CNTN5: variants seen among roughly 807,000 people sequenced by gnomAD.
The protein encoded by CNTN5 is contactin-5.
Under a neutral mutation model 129.1 loss-of-function variants are expected in CNTN5, and 77 were observed. The ratio of observed to expected loss-of-function variants is 0.60; its 90% CI spans 0.50 to 0.72. The LOEUF (loss-of-function observed/expected upper bound fraction) is 0.72, where lower values mean the gene tolerates loss of function less well. Among genes scored for constraint, CNTN5 ranks in the 30% least tolerant of loss-of-function variants. The pLI is 0.00. For synonymous variants in CNTN5, 509 were observed against 465.6 expected (o/e 1.09, Z -1.20); for missense variants, 1,478 against 1,328.8 (o/e 1.11, Z -1.75).
chr11:99,343,288 T>C (rs1866605233), intron 2 of CNTN5, among the ~76,000 whole-genome samples: 1 of 152,180 alleles, frequency 6.6e-6, no homozygotes, highest in African/African-American at 2.4e-5. Context: ...ATGTGGAAGA[T>C]GGATTAGAAT....
At chr11:100,313,828 G>C (rs1261147748) in intron 21 of CNTN5, among the ~76,000 whole-genome samples, 1 of 152,022 alleles carries the variant, frequency 6.6e-6, no homozygotes. Context: ...AATCAGTTTT[G>C]TAGCAGGAAT....
In CNTN5 at chr11:100,130,789, A is replaced by C. The variant is rs540584709; in HGVS notation, c.1580+56495A>C. ...AAAGGCTATTGCTTGGAGGGAGGGG[A>C]GTTAAAGAGATGGCATGATCCACAG... On this transcript the variant is annotated intron_variant, in intron 13 of 24. Transcript: ENST00000524871. 2.6e-5 allele frequency among the ~76,000 whole-genome samples: 4 copies of C among 152,170 alleles called. No individual in the cohort carries two copies. The South Asian group carries it at 8.3e-4, about 32-fold the overall frequency.
At chr11:100,089,280 C>CATG (rs1944665587) in intron 13 of CNTN5, among the ~76,000 whole-genome samples, 1 of 151,930 alleles carries the variant, frequency 6.6e-6, no homozygotes, top group African/African-American at 2.4e-5. Flanking sequence ...CCATTCTGTA[C>CATG]ATGCAGCCAA....
chr11:99,915,283 GAATTAC>G (rs1949759086), intron 6 of CNTN5, among the ~76,000 whole-genome samples: 1 of 152,152 alleles, frequency 6.6e-6, no homozygotes, highest in East Asian at 1.9e-4. Flanking sequence ...AGCAATAATA[GAATTAC>G]AATTTAAATT....
rs201833805 is a variant in CNTN5, at chr11:99,411,423, GGAA to G, written c.-71+85941_-71+85943del. Among the ~76,000 whole-genome samples, 73 of 152,302 alleles carry G rather than the reference GGAA, an allele frequency of 4.8e-4. No individual in the cohort carries two copies. The East Asian group carries it at 0.014, about 28-fold the overall frequency. On this transcript the variant is annotated intron_variant, in intron 2 of 24. Coordinates refer to ENST00000524871, the MANE Select transcript of CNTN5 (RefSeq NM_014361.4). The stretch of plus-strand genomic sequence containing the variant: ...TAGTCCCAGCTATTTGGGAGACTGA[GGAA>G]GGAGGATGGCTTAAGCCTGGGAAAT...
chr11:99,214,226 G>C (rs1165128421), intron 1 of CNTN5, among the ~76,000 whole-genome samples: 6 of 151,934 alleles, frequency 3.9e-5, no homozygotes, highest in African/African-American at 1.2e-4. Flanking sequence ...TTTGGACAAA[G>C]GAACCAGCTT....
intron 8 of CNTN5, among the ~76,000 whole-genome samples, chr11:99,958,360 G>A (rs191978802): frequency 6.6e-6 from 1 of 152,330 alleles, no homozygotes; most frequent in East Asian, 1.9e-4. Context: ...ATATTTCAAG[G>A]CTTTAGCAGA....
intron 21 of CNTN5, among the ~76,000 whole-genome samples, chr11:100,328,856 G>GA (rs1421525510): frequency 9.2e-5 from 14 of 152,208 alleles, no homozygotes; most frequent in African/African-American, 3.1e-4. Flanking sequence ...AGCAGCATGT[G>GA]AAAACTCACA....
intron 1 of CNTN5, among the ~76,000 whole-genome samples, chr11:99,284,071 A>G (rs536361472): frequency 6.6e-6 from 1 of 152,284 alleles, no homozygotes; most frequent in African/African-American, 2.4e-5. Flanking sequence ...AATTGACTCT[A>G]TACACATTCC....
chr11:100,302,539 C>T (rs984235643), intron 20 of CNTN5, among the ~76,000 whole-genome samples: 1 of 151,438 alleles, frequency 6.6e-6, no homozygotes, highest in Non-Finnish European at 1.5e-5. Context: ...GGCTTAGTTC[C>T]TCCTCTTCCT....
At chr11:99,380,512 G>C (rs888633853) in intron 2 of CNTN5, among the ~76,000 whole-genome samples, 5 of 152,180 alleles carry the variant, frequency 3.3e-5, no homozygotes, top group Non-Finnish European at 5.9e-5. Flanking sequence ...GCTCACGCCT[G>C]TAATCCCAGC....
chr11:99,169,372 A>G (rs4754591), intron 1 of CNTN5, among the ~76,000 whole-genome samples: 65,215 of 151,014 alleles, frequency 0.43, 14,911 homozygotes, highest in East Asian at 0.8. Context: ...AATAAGCTAT[A>G]TGTGTGTGTG....
At chr11:99,089,745 A>G (rs1490428278) in intron 1 of CNTN5, among the ~76,000 whole-genome samples, 2 of 152,238 alleles carry the variant, frequency 1.3e-5, no homozygotes, top group African/African-American at 4.8e-5. Flanking sequence ...ACTCTAAACA[A>G]TACGGGACAA....
chr11:99,904,100 T>A (rs1231387745), intron 6 of CNTN5, among the ~76,000 whole-genome samples: 1 of 152,174 alleles, frequency 6.6e-6, no homozygotes, highest in African/African-American at 2.4e-5. Flanking sequence ...TATATAGTTC[T>A]ATCATCATAT....
At chr11:99,325,297 G>C (rs1347912932) in intron 1 of CNTN5, 49 bp from the exon 2 acceptor site, 1 of 151,584 alleles carries the variant, frequency 6.6e-6, no homozygotes, top group East Asian at 1.9e-4. Flanking sequence ...AAGCAAAGTT[G>C]AAAAAAAGGA....
At chr11:99,748,017 G>A (rs1318210425) in intron 3 of CNTN5, among the ~76,000 whole-genome samples, 1 of 152,038 alleles carries the variant, frequency 6.6e-6, no homozygotes, top group Non-Finnish European at 1.5e-5. Context: ...CACATTTATT[G>A]ATTTGTGTTT....
chr11:99,738,766 AACTCGTACTCTATCCCATAGGC>A (rs1286276211), intron 3 of CNTN5, among the ~76,000 whole-genome samples: 1 of 152,034 alleles, frequency 6.6e-6, no homozygotes, highest in Non-Finnish European at 1.5e-5. Context: ...CAGGCAAAGG[AACTCGTACTCTATCCCATAGGC>A]AGTAGAGGGG....
At chr11:99,811,623 C>T (rs1946431281) in intron 3 of CNTN5, among the ~76,000 whole-genome samples, 1 of 151,858 alleles carries the variant, frequency 6.6e-6, no homozygotes, top group African/African-American at 2.4e-5. Flanking sequence ...CAATGTCATT[C>T]TGACTTAATG....
intron 15 of CNTN5, among the ~76,000 whole-genome samples, chr11:100,201,247 A>G (rs746933515): frequency 6.6e-6 from 1 of 151,926 alleles, no homozygotes; most frequent in Non-Finnish European, 1.5e-5. Flanking sequence ...GCAAATTTCT[A>G]TTGATTATCC....
Sources: gnomAD v4.1 joint callset for allele counts (sites outside exome capture counted in the v4.1 genomes callset) on GRCh38, gnomAD v4.1.1 for gene constraint, MANE v1.5 for transcripts, NCBI Gene and HGNC (gene_info 2026-07-23, HGNC 2026-07-21) for gene names.